GPC5: variants seen among roughly 807,000 people sequenced by gnomAD.
The protein encoded by GPC5 is glypican 5, also known as glypican-5.
In GPC5, 47 loss-of-function variants were observed where a neutral mutation model predicts 53.9. The ratio of observed to expected loss-of-function variants is 0.87; its 90% CI spans 0.69 to 1.11. GPC5 has a LOEUF of 1.11. GPC5 is among the 50% of genes most tolerant of loss of function. The probability of loss-of-function intolerance (pLI) is 0.00; values close to 1 mark genes in which losing one functional copy is unlikely to be tolerated. For synonymous variants in GPC5, 286 were observed against 263.3 expected, an observed-to-expected ratio of 1.09 and a Z score of -0.84; for missense variants, 748 against 713.1, an observed-to-expected ratio of 1.05 and a Z score of -0.56.
intron 5 of GPC5, among the ~76,000 whole-genome samples, chr13:91,806,888 C>T (rs1312286306): frequency 6.6e-6 from 1 of 152,056 alleles, no homozygotes; most frequent in Non-Finnish European, 1.5e-5. Flanking sequence ...TCAGCATCTC[C>T]CTGAAAATTA....
chr13:91,428,779 AC>A (rs1171109931), intron 1 of GPC5, among the ~76,000 whole-genome samples: 1 of 152,162 alleles, frequency 6.6e-6, no homozygotes, highest in Non-Finnish European at 1.5e-5. Flanking sequence ...CTAAGGGAAC[AC>A]GTGCTTATTT....
At chr13:92,540,759 T>C (rs566034905) in intron 7 of GPC5, among the ~76,000 whole-genome samples, 2 of 152,020 alleles carry the variant, frequency 1.3e-5, no homozygotes, top group African/African-American at 4.8e-5. Flanking sequence ...AGGGAAAATA[T>C]CATCTAATGA....
At chr13:92,202,521 G>A (rs908642967) in intron 7 of GPC5, among the ~76,000 whole-genome samples, 6 of 152,102 alleles carry the variant, frequency 3.9e-5, no homozygotes, top group African/African-American at 7.2e-5. Context: ...TAGACCAAAC[G>A]TTGTAACTAG....
intron 6 of GPC5, among the ~76,000 whole-genome samples, chr13:92,012,113 C>T (rs1016014982): frequency 6.6e-6 from 1 of 152,008 alleles, no homozygotes; most frequent in African/African-American, 2.4e-5. Flanking sequence ...ATAATGTAGA[C>T]CTGAGTTTAG....
At chr13:91,748,654 G>T (rs1462205800) in intron 4 of GPC5, among the ~76,000 whole-genome samples, 1 of 152,128 alleles carries the variant, frequency 6.6e-6, no homozygotes, top group Non-Finnish European at 1.5e-5. Context: ...TGGCATACAG[G>T]GGGATTATAA....
At chr13:92,664,390 G>A (rs1191534351) in intron 7 of GPC5, among the ~76,000 whole-genome samples, 1 of 149,636 alleles carries the variant, frequency 6.7e-6, no homozygotes, top group Non-Finnish European at 1.5e-5. Context: ...CAAGATAGCA[G>A]CATTTTACTT....
chr13:91,615,159 C>A (rs190782418), intron 2 of GPC5, among the ~76,000 whole-genome samples: 1 of 152,256 alleles, frequency 6.6e-6, no homozygotes, highest in East Asian at 1.9e-4. Flanking sequence ...GATAAAGGTT[C>A]AGTACAGCCA....
chr13:92,211,615 T>C (rs2042376091), intron 7 of GPC5, among the ~76,000 whole-genome samples: 1 of 152,208 alleles, frequency 6.6e-6, no homozygotes, highest in Non-Finnish European at 1.5e-5. Flanking sequence ...GGGACAGAAA[T>C]GTGAATTCTT....
chr13:91,928,532 T>G (rs2039791061), intron 6 of GPC5, among the ~76,000 whole-genome samples: 1 of 152,164 alleles, frequency 6.6e-6, no homozygotes, highest in African/African-American at 2.4e-5. Flanking sequence ...ACTGCACATT[T>G]CATGTTCCAA....
intron 5 of GPC5, among the ~76,000 whole-genome samples, chr13:91,793,495 T>C (rs1296682135): frequency 6.6e-6 from 1 of 152,182 alleles, no homozygotes; most frequent in Non-Finnish European, 1.5e-5. Context: ...TTTCACATTA[T>C]AGAAACTCTT....
intron 6 of GPC5, among the ~76,000 whole-genome samples, chr13:92,120,001 G>A (rs2041635714): frequency 1.3e-5 from 2 of 152,130 alleles, no homozygotes; most frequent in Non-Finnish European, 2.9e-5. Context: ...TTCACAGGTT[G>A]TAGATCTGCA....
chr13:92,016,460 C>G (rs1162856641), intron 6 of GPC5, among the ~76,000 whole-genome samples: 1 of 152,130 alleles, frequency 6.6e-6, no homozygotes, highest in Non-Finnish European at 1.5e-5. Flanking sequence ...TTGTTATAAG[C>G]AAGAATTTAG....
chr13:92,224,148 A>G (rs1453298084), intron 7 of GPC5, among the ~76,000 whole-genome samples: 4 of 152,196 alleles, frequency 2.6e-5, no homozygotes, highest in Non-Finnish European at 5.9e-5. Context: ...ACTCTAAAAG[A>G]ACTTTCTGCA....
In GPC5 at chr13:92,667,974, A is replaced by C. The variant is rs534198450; in HGVS notation, c.1562-198308A>C. On this transcript the variant is annotated intron_variant, in intron 7 of 7. Transcript: ENST00000377067. ...TGCTTTGCCTATGAATCCTAGACAC[A>C]CTAAAGAGGTATTTAACATTTTAGT... 1.3e-3 allele frequency among the ~76,000 whole-genome samples: 203 copies of C among 152,284 alleles called. 1 individual carries two copies. Among genetic ancestry groups the C allele is most frequent in the Non-Finnish European group, 2.6e-3 (179 of 68,016 alleles).
chr13:92,839,663 T>C (rs1042954437), intron 7 of GPC5, among the ~76,000 whole-genome samples: 3 of 152,206 alleles, frequency 2.0e-5, no homozygotes, highest in South Asian at 2.1e-4. Flanking sequence ...TAGTACTCCA[T>C]GGTGTATATG....
Position 91,912,298 on chromosome 13 carries a change from T to C in GPC5, c.1401+4241T>C, listed in dbSNP as rs185371246. Among the ~76,000 whole-genome samples the C allele has an allele frequency of 5.1e-3, 769 of 152,206 alleles. 4 individuals carry two copies. The highest frequency in any genetic ancestry group is 0.018 in the African/African-American group (746 of 41,552). ...TCAGGAGACGGAGGCTGCAGTGAGC[T>C]GAGATCAGGCCACTGCATTCTAGCT... is the stretch of plus-strand genomic sequence containing the variant. On this transcript the variant is annotated intron_variant, in intron 6 of 7. Coordinates refer to ENST00000377067, the MANE Select transcript of GPC5 (RefSeq NM_004466.6).
chr13:91,667,605 C>G lies in GPC5; in HGVS notation c.326-25582C>G, dbSNP rs116964720. On this transcript the variant is annotated intron_variant, in intron 2 of 7. Transcript: ENST00000377067. ...TGGGGATCAATCGCCAGTCTCTCCCCCATATCTCCCTAACATCAAACCAAC... is the reference window on the plus strand; with the variant it reads ...TGGGGATCAATCGCCAGTCTCTCCCGCATATCTCCCTAACATCAAACCAAC... Among the ~76,000 whole-genome samples, 185 of 152,234 alleles carry G rather than the reference C, an allele frequency of 1.2e-3. 7 individuals are homozygous for G. The East Asian group carries it at 0.029, about 24-fold the overall frequency.
intron 6 of GPC5, among the ~76,000 whole-genome samples, chr13:92,138,359 A>G (rs1341465605): frequency 2.0e-5 from 3 of 151,888 alleles, no homozygotes; most frequent in Non-Finnish European, 4.4e-5. Flanking sequence ...GTCTCTACTA[A>G]AAATACAAAA....
At chr13:92,171,212 GT>G (rs1283731236) in intron 7 of GPC5, among the ~76,000 whole-genome samples, 1 of 151,896 alleles carries the variant, frequency 6.6e-6, no homozygotes. Flanking sequence ...CCACTTTTTT[GT>G]TCTATGTACC....
Sources: allele counts gnomAD v4.1 joint callset (sites outside exome capture counted in the v4.1 genomes callset), GRCh38; gene constraint gnomAD v4.1.1; transcripts MANE v1.5; gene names NCBI Gene and HGNC (gene_info 2026-07-23, HGNC 2026-07-21).